MAP3K7: variants seen among roughly 807,000 people sequenced by gnomAD.
MAP3K7 encodes mitogen-activated protein kinase kinase kinase 7, also known as TGF-beta activated kinase 1.
MAP3K7 carries 21 observed loss-of-function variants against 84.8 expected under a neutral mutation model. That is an observed-to-expected ratio of 0.25 (90% CI 0.18 to 0.36). The LOEUF (loss-of-function observed/expected upper bound fraction) is 0.36, where lower values mean the gene tolerates loss of function less well. Ranked by LOEUF, MAP3K7 falls within the 10% of genes least tolerant of loss-of-function variation. The pLI, the probability that MAP3K7 is intolerant of heterozygous loss-of-function variation, is 1.00. For synonymous variants in MAP3K7, 241 were observed against 247.7 expected, an observed-to-expected ratio of 0.97 and a Z score of 0.25; for missense variants, 503 against 747.7, an observed-to-expected ratio of 0.67 and a Z score of 3.82.
rs571856439 is a variant in MAP3K7, at chr6:90,516,047, C to G, written c.*454G>C. 1 of 173,714 alleles carries G rather than the reference C, an allele frequency of 5.8e-6. No homozygotes were observed. The highest frequency in any genetic ancestry group is 6.0e-5 in the Admixed American group (1 of 16,598). 10.8% of individuals were successfully genotyped at this position (173,714 alleles called of 1,614,324 possible). A position where few individuals can be genotyped will look rare whatever the true frequency, so the allele number is the denominator to read the frequency against. On this transcript the variant is annotated 3_prime_UTR_variant, in exon 17 of 17. Coordinates refer to ENST00000369329, the MANE Select transcript of MAP3K7 (RefSeq NM_145331.3). ...TCACTCTAAATTTATAATACCCTGT[C>G]TTTAACTTGGTATATACCATCTTTT...
intron 12 of MAP3K7, 90 bp downstream of exon 12, chr6:90,544,462 T>A (rs1016268155): frequency 1.8e-6 from 2 of 1,130,524 alleles, no homozygotes; most frequent in African/African-American, 3.1e-5. Context: ...TCATGTCTTG[T>A]AAAAATTGGA....
chr6:90,550,388 C>A (rs1186228696), intron 9 of MAP3K7, 80 bp downstream of exon 9: 9 of 910,678 alleles, frequency 9.9e-6, no homozygotes, highest in Non-Finnish European at 1.5e-5. Context: ...GGACATTATT[C>A]ATTACTTCTT....
At chr6:90,584,807 C>T (rs922396619) in intron 1 of MAP3K7, among the ~76,000 whole-genome samples, 6 of 152,076 alleles carry the variant, frequency 3.9e-5, no homozygotes, top group Non-Finnish European at 8.8e-5. Context: ...ACAGAGCAGA[C>T]GTAAACGCTT....
intron 6 of MAP3K7, among the ~76,000 whole-genome samples, chr6:90,554,358 T>G (rs1285302651): frequency 6.6e-6 from 1 of 152,214 alleles, no homozygotes; most frequent in Non-Finnish European, 1.5e-5. Context: ...AACTTAAACA[T>G]TACGTTGTAA....
intron 1 of MAP3K7, among the ~76,000 whole-genome samples, chr6:90,582,291 C>T (rs537119088): frequency 6.6e-6 from 1 of 152,272 alleles, no homozygotes; most frequent in African/African-American, 2.4e-5. Flanking sequence ...TATTTTATCA[C>T]ATGTAATATA....
At chr6:90,518,327 A>G (rs1582154619) in intron 16 of MAP3K7, 120 bp downstream of exon 16, 1 of 611,688 alleles carries the variant, frequency 1.6e-6, no homozygotes, top group East Asian at 2.8e-5. Context: ...CTTAAAGCTT[A>G]AACAAGTTGA....
intron 1 of MAP3K7, among the ~76,000 whole-genome samples, chr6:90,586,153 A>G (rs1318554699): frequency 6.6e-6 from 1 of 151,828 alleles, no homozygotes. Context: ...CGGGTGGATC[A>G]TGAGGTCAGG....
chr6:90,577,236 A>G lies in MAP3K7; in HGVS notation c.121-5429T>C, dbSNP rs113995573. Among the ~76,000 whole-genome samples the G allele has an allele frequency of 2.6e-3, 394 of 152,338 alleles. 3 individuals carry two copies. Among genetic ancestry groups the G allele is most frequent in the African/African-American group, 9.2e-3 (381 of 41,574 alleles). On this transcript the variant is annotated intron_variant, in intron 1 of 16. Coordinates refer to ENST00000369329, the MANE Select transcript of MAP3K7 (RefSeq NM_145331.3). The stretch of plus-strand genomic sequence containing the variant: ...AGGTGTAGAGGAAAAGAGCTGAATC[A>G]AGGAAAACACCTAGACTGGACAACA...
intron 3 of MAP3K7, among the ~76,000 whole-genome samples, chr6:90,566,151 CACAAG>C (rs970190810): frequency 5.3e-5 from 8 of 152,178 alleles, no homozygotes; most frequent in African/African-American, 1.9e-4. Context: ...TGAAAACTGG[CACAAG>C]ACAAGGATGC....
intron 13 of MAP3K7, 64 bp from the exon 14 acceptor site, chr6:90,523,847 G>A (rs1186856734): frequency 1.6e-5 from 16 of 976,124 alleles, no homozygotes; most frequent in Non-Finnish European, 2.3e-5. Context: ...TGACGAGAAC[G>A]TTTCCATTAA....
intron 13 of MAP3K7, 94 bp downstream of exon 13, chr6:90,536,243 A>T: frequency 1.1e-6 from 1 of 946,180 alleles, no homozygotes; most frequent in Non-Finnish European, 1.6e-6. Context: ...ACTTTAGGTC[A>T]ACTCATAAAA....
intron 1 of MAP3K7, among the ~76,000 whole-genome samples, chr6:90,577,930 C>T (rs1471651500): frequency 6.6e-6 from 1 of 152,156 alleles, no homozygotes; most frequent in Non-Finnish European, 1.5e-5. Flanking sequence ...TCACACAGAC[C>T]AGAGAGCTCT....
intron 12 of MAP3K7, among the ~76,000 whole-genome samples, chr6:90,540,370 T>C (rs1435721437): frequency 6.6e-6 from 1 of 151,930 alleles, no homozygotes. Flanking sequence ...GGTTTTCAAG[T>C]ACTTGAAATC....
At chr6:90,554,454 C>T (rs1379067458) in intron 6 of MAP3K7, among the ~76,000 whole-genome samples, 1 of 152,106 alleles carries the variant, frequency 6.6e-6, no homozygotes, top group Non-Finnish European at 1.5e-5. Context: ...AATAAGCACC[C>T]GTCATAATCT....
intron 1 of MAP3K7, among the ~76,000 whole-genome samples, chr6:90,580,650 C>A (rs1562113291): frequency 6.6e-6 from 1 of 152,008 alleles, no homozygotes; most frequent in African/African-American, 2.4e-5. Flanking sequence ...GTTTTTTCCC[C>A]AAAGATGAAT....
intron 3 of MAP3K7, among the ~76,000 whole-genome samples, chr6:90,562,173 T>C (rs944327027): frequency 2.6e-5 from 4 of 152,144 alleles, no homozygotes; most frequent in African/African-American, 2.4e-5. Flanking sequence ...ACGCAGAAGA[T>C]AGGTGATTTC....
chr6:90,575,279 T>G (rs906552768), intron 1 of MAP3K7, among the ~76,000 whole-genome samples: 1 of 152,130 alleles, frequency 6.6e-6, no homozygotes, highest in African/African-American at 2.4e-5. Context: ...TTTTAAACAC[T>G]TACCAGCTGA....
chr6:90,586,651 C>T, intron 1 of MAP3K7, 113 bp downstream of exon 1: 2 of 1,414,988 alleles, frequency 1.4e-6, no homozygotes, highest in Admixed American at 2.5e-5. Context: ...GGGTGGACCC[C>T]GCAGGGTCCC....
chr6:90,575,673 T>C (rs1777051072), intron 1 of MAP3K7, among the ~76,000 whole-genome samples: 1 of 152,082 alleles, frequency 6.6e-6, no homozygotes, highest in South Asian at 2.1e-4. Flanking sequence ...TGTGGGATGG[T>C]AGCTAGCTCA....
Sources: allele counts gnomAD v4.1 joint callset (sites outside exome capture counted in the v4.1 genomes callset), GRCh38; gene constraint gnomAD v4.1.1; transcripts MANE v1.5; gene names NCBI Gene and HGNC (gene_info 2026-07-23, HGNC 2026-07-21).